The following WDR70 variants were observed in gnomAD, a reference collection of about 807,000 sequenced individuals.
WDR70 encodes WD repeat-containing protein 70.
Under a neutral mutation model 88.6 loss-of-function variants are expected in WDR70, and 53 were observed. That is an observed-to-expected ratio of 0.60 (90% CI 0.48 to 0.75). The LOEUF is 0.75. WDR70 is among the 30% of genes least tolerant of loss of function. The probability of loss-of-function intolerance (pLI) is 0.00; values close to 1 mark genes in which losing one functional copy is unlikely to be tolerated. For synonymous variants in WDR70, 280 were observed against 270.0 expected, an observed-to-expected ratio of 1.04 and a Z score of -0.36; for missense variants, 610 against 823.2, an observed-to-expected ratio of 0.74 and a Z score of 3.17.
In WDR70 at chr5:37,718,210, G is replaced by A. The variant is rs182273541; in HGVS notation, c.1417-2905G>A. 1.1e-3 allele frequency among the ~76,000 whole-genome samples: 171 copies of A among 152,304 alleles called. 1 individual carries two copies. The highest frequency in any genetic ancestry group is 4.0e-3 in the African/African-American group (165 of 41,576). On this transcript the variant is annotated intron_variant, in intron 13 of 17. Transcript: ENST00000265107. ...GGATGTGAACAGGAATAGAGGTGAGGTGTCCTTGGACTCCCTGGAAAGCAA... is the reference window on the plus strand; with the variant it reads ...GGATGTGAACAGGAATAGAGGTGAGATGTCCTTGGACTCCCTGGAAAGCAA...
At chr5:37,520,601 G>A (rs934075697) in intron 9 of WDR70, among the ~76,000 whole-genome samples, 9 of 152,064 alleles carry the variant, frequency 5.9e-5, no homozygotes, top group Non-Finnish European at 1.5e-5. Flanking sequence ...ACTAGGTAAG[G>A]TTTATTCTAG....
intron 9 of WDR70, among the ~76,000 whole-genome samples, chr5:37,587,603 A>G (rs11957813): frequency 0.47 from 70,740 of 151,344 alleles, 18,040 homozygotes; most frequent in Non-Finnish European, 0.58. Context: ...TCTCTTCCCC[A>G]TTAGGTTATG....
chr5:37,618,616 A>AG (rs1276214079), intron 10 of WDR70, among the ~76,000 whole-genome samples: 9 of 152,246 alleles, frequency 5.9e-5, no homozygotes, highest in South Asian at 2.1e-4. Context: ...GTGATCCACC[A>AG]GCTTTAGCCT....
chr5:37,494,560 T>C (rs1428997129), intron 8 of WDR70, among the ~76,000 whole-genome samples: 1 of 152,184 alleles, frequency 6.6e-6, no homozygotes, highest in East Asian at 1.9e-4. Context: ...GTTTAGGATA[T>C]TGAAAATTTA....
intron 10 of WDR70, among the ~76,000 whole-genome samples, chr5:37,637,079 C>A (rs547435596): frequency 2.2e-4 from 33 of 152,104 alleles, no homozygotes; most frequent in African/African-American, 7.5e-4. Context: ...TGGTAGCTCA[C>A]GTATGTAATC....
At position 37,582,770 on chromosome 5, in the gene WDR70, C is replaced by T. The variant is rs570908527; in HGVS notation, c.918-22294C>T. On this transcript the variant is annotated intron_variant, in intron 9 of 17. Transcript: ENST00000265107. ...TACCTAATGGTGGAGCTGTAAGCAA[C>T]GAGCATCTCTGTGATTGTTGGTGTA... Among the ~76,000 whole-genome samples the T allele has an allele frequency of 2.0e-5, 3 of 152,306 alleles. No homozygotes were observed. The East Asian group carries it at 5.8e-4, about 29-fold the overall frequency.
intron 10 of WDR70, among the ~76,000 whole-genome samples, chr5:37,674,981 T>C (rs1318855342): frequency 2.2e-4 from 33 of 151,160 alleles, no homozygotes; most frequent in African/African-American, 6.8e-4. Context: ...CTCTGATGGC[T>C]AGTGATGATG....
chr5:37,410,275 G>T (rs1561841504), intron 5 of WDR70, among the ~76,000 whole-genome samples: 1 of 146,478 alleles, frequency 6.8e-6, no homozygotes. Context: ...CTGGGCTCAA[G>T]AAATCTGCCT....
At position 37,483,247 on chromosome 5, in the gene WDR70, C is replaced by T. The variant is rs372369337; in HGVS notation, c.840+3260C>T. On this transcript the variant is annotated intron_variant, in intron 8 of 17. Coordinates refer to ENST00000265107, the MANE Select transcript of WDR70 (RefSeq NM_018034.4). ...TGGTTTTCCTAGGCAGAGGACCCTGCGGCCTTCCGCAGTGTTTGTGTCCCT... is the reference window on the plus strand; with the variant it reads ...TGGTTTTCCTAGGCAGAGGACCCTGTGGCCTTCCGCAGTGTTTGTGTCCCT... 7.9e-4 allele frequency among the ~76,000 whole-genome samples: 119 copies of T among 151,474 alleles called. 1 individual carries two copies. Among genetic ancestry groups the T allele is most frequent in the Non-Finnish European group, 2.7e-4 (18 of 67,818 alleles).
intron 9 of WDR70, among the ~76,000 whole-genome samples, chr5:37,562,854 C>T (rs1437084485): frequency 1.3e-5 from 2 of 152,024 alleles, no homozygotes; most frequent in Non-Finnish European, 2.9e-5. Flanking sequence ...CCTCTTTCTA[C>T]ACAGACATGG....
chr5:37,734,329 A>G (rs1022300837), intron 17 of WDR70, among the ~76,000 whole-genome samples: 1 of 152,106 alleles, frequency 6.6e-6, no homozygotes, highest in Admixed American at 6.6e-5. Context: ...ATATTATTCA[A>G]TCTAATGGTA....
intron 10 of WDR70, among the ~76,000 whole-genome samples, chr5:37,619,343 G>A (rs887774860): frequency 2.2e-4 from 33 of 151,710 alleles, no homozygotes; most frequent in Admixed American, 2.1e-3. Flanking sequence ...TCTAGATAGG[G>A]CTATGTCATC....
At chr5:37,688,084 TATC>T (rs1375598207) in intron 10 of WDR70, 1 of 476,122 alleles carries the variant, frequency 2.1e-6, no homozygotes, top group African/African-American at 2.0e-5. Context: ...TATTTTCAAA[TATC>T]GACATTCAAG....
At chr5:37,497,379 TCCCTCCCCTTCCCTCCCTTTCCTTC>T (rs1366287275) in intron 8 of WDR70, among the ~76,000 whole-genome samples, 4 of 100,664 alleles carry the variant, frequency 4.0e-5, no homozygotes, top group Non-Finnish European at 8.0e-5. Context: ...TCCCTTCTCT[TCCCTCCCCTTCCCTCCCTTTCCTTC>T]CCCTCCCCTC....
At chr5:37,573,305 C>T (rs1255685841) in intron 9 of WDR70, among the ~76,000 whole-genome samples, 3 of 152,056 alleles carry the variant, frequency 2.0e-5, no homozygotes, top group Non-Finnish European at 2.9e-5. Context: ...TATTAATATC[C>T]GTCAGTAGCT....
At chr5:37,539,936 T>A (rs1027013284) in intron 9 of WDR70, among the ~76,000 whole-genome samples, 3 of 152,254 alleles carry the variant, frequency 2.0e-5, no homozygotes, top group Non-Finnish European at 4.4e-5. Flanking sequence ...CAGATTCACC[T>A]ACACATTTCT....
intron 8 of WDR70, among the ~76,000 whole-genome samples, chr5:37,497,522 C>A (rs887598017): frequency 6.6e-6 from 1 of 150,582 alleles, no homozygotes; most frequent in Non-Finnish European, 1.5e-5. Context: ...CTCTTCCCTT[C>A]CCTTCCCTCT....
At chr5:37,625,305 A>G (rs917865795) in intron 10 of WDR70, among the ~76,000 whole-genome samples, 9 of 152,056 alleles carry the variant, frequency 5.9e-5, no homozygotes, top group Non-Finnish European at 1.3e-4. Context: ...ATAGTGTATG[A>G]GTTCCCTTTT....
At chr5:37,405,214 G>A (rs1189867586) in intron 5 of WDR70, among the ~76,000 whole-genome samples, 1 of 152,110 alleles carries the variant, frequency 6.6e-6, no homozygotes, top group Non-Finnish European at 1.5e-5. Context: ...GTTTTTAGTA[G>A]CACTAGGAAA....
Sources: gnomAD v4.1 joint callset for allele counts (sites outside exome capture counted in the v4.1 genomes callset) on GRCh38, gnomAD v4.1.1 for gene constraint, MANE v1.5 for transcripts, NCBI Gene and HGNC (gene_info 2026-07-23, HGNC 2026-07-21) for gene names.